Variants in PCDHGB1 observed in about 807,000 individuals in gnomAD.
The protein encoded by PCDHGB1 is protocadherin gamma subfamily B, 1.
In PCDHGB1, 34 loss-of-function variants were observed where a neutral mutation model predicts 56.6. The ratio of observed to expected loss-of-function variants is 0.60; its 90% CI spans 0.46 to 0.80. The LOEUF (loss-of-function observed/expected upper bound fraction) is 0.80, where lower values mean the gene tolerates loss of function less well. Ranked by LOEUF, PCDHGB1 falls within the 30% of genes least tolerant of loss-of-function variation. The pLI is 0.00. For missense variants in PCDHGB1, 1,278 were observed against 1,204.6 expected (o/e 1.06, Z -0.90); for synonymous variants, 561 against 505.9 (o/e 1.11, Z -1.46).
Position 141,477,771 on chromosome 5 carries a change from G to A in PCDHGB1, c.2410-17036G>A. 1 of 1,613,992 alleles carries A rather than the reference G, an allele frequency of 6.2e-7. No homozygotes were observed. The highest frequency in any genetic ancestry group is 1.3e-5 in the African/African-American group (1 of 75,054). ...ACCCCGGTCCTAGCCACCAACATCA[G>A]CGTGAACATATTTGTCACTGATCGC... On this transcript the variant is annotated intron_variant, in intron 1 of 3. Transcript: ENST00000523390. This position sits in a 1 kb window ranked among gnomAD's most constrained non-coding sequence, Gnocchi z 4.9.
rs780578882 is a variant in PCDHGB1 at position 141,486,578 on chromosome 5, C to T, written c.2410-8229C>T. On this transcript the variant is annotated intron_variant, in intron 1 of 3. Coordinates refer to ENST00000523390, the MANE Select transcript of PCDHGB1 (RefSeq NM_018922.3). This position sits in a 1 kb window ranked among gnomAD's most constrained non-coding sequence, Gnocchi z 5.0. ...TGAGGTGTTTGTTCCTGAGAACAAT[C>T]GCCCAGGGGACCTGCTTTGCTCCCT... 1.6e-5 allele frequency: 26 copies of T among 1,613,728 alleles called. No homozygotes were observed. The highest frequency in any genetic ancestry group is 2.2e-5 in the South Asian group (2 of 91,072).
At chr5:141,365,608 C>T in intron 1 of PCDHGB1, 11 of 1,613,576 alleles carry the variant, frequency 6.8e-6, no homozygotes, top group Non-Finnish European at 9.3e-6. Flanking sequence ...CCGTCATGGA[C>T]CATGGAACCC....
chr5:141,357,606 A>C, intron 1 of PCDHGB1: 2 of 1,614,052 alleles, frequency 1.2e-6, no homozygotes, highest in Non-Finnish European at 1.7e-6. Flanking sequence ...AAACAAAAGG[A>C]GACCCTAATC....
intron 1 of PCDHGB1, chr5:141,404,627 G>A: frequency 6.2e-7 from 1 of 1,614,144 alleles, no homozygotes; most frequent in Non-Finnish European, 8.5e-7. Context: ...GAATGACAAT[G>A]CCCCAGAAAT....
At chr5:141,393,528 G>A in intron 1 of PCDHGB1, 7 of 1,613,988 alleles carry the variant, frequency 4.3e-6, no homozygotes, top group East Asian at 4.5e-5. Context: ...AAATGACAAT[G>A]CCCCGGTTTT....
At chr5:141,456,204 C>A (rs867187371) in intron 1 of PCDHGB1, among the ~76,000 whole-genome samples, 17 of 152,222 alleles carry the variant, frequency 1.1e-4, no homozygotes, top group South Asian at 2.1e-4. Context: ...CTACCACATT[C>A]CTCCCTGTGG....
chr5:141,467,788 A>G (rs2099151778), intron 1 of PCDHGB1, among the ~76,000 whole-genome samples: 1 of 152,020 alleles, frequency 6.6e-6, no homozygotes. Flanking sequence ...CCTCTCAAGT[A>G]GCTGGGACTA....
At chr5:141,478,665 A>G (rs749063178) in intron 1 of PCDHGB1, 88 of 1,551,690 alleles carry the variant, frequency 5.7e-5, no homozygotes, top group Non-Finnish European at 3.7e-5. Flanking sequence ...ATGCATTCAC[A>G]CTTTCAACTG....
At chr5:141,478,117 C>T (rs1419172538) in intron 1 of PCDHGB1, 2 of 1,614,058 alleles carry the variant, frequency 1.2e-6, no homozygotes, top group East Asian at 4.5e-5. Flanking sequence ...TGTCAGTAAC[C>T]GAGGACTCTC....
chr5:141,418,626 C>A (rs1237600131), intron 1 of PCDHGB1: 2 of 1,613,902 alleles, frequency 1.2e-6, no homozygotes, highest in African/African-American at 2.7e-5. Context: ...GAAGACGTGC[C>A]TCCAGGCACC....
intron 1 of PCDHGB1, among the ~76,000 whole-genome samples, chr5:141,467,955 G>A (rs1049980375): frequency 2.0e-5 from 3 of 151,666 alleles, no homozygotes; most frequent in Non-Finnish European, 2.9e-5. Context: ...CACCACACCC[G>A]GCTGCCAGAA....
intron 1 of PCDHGB1, chr5:141,403,609 G>A (rs1434656385): frequency 6.2e-7 from 1 of 1,613,870 alleles, no homozygotes; most frequent in South Asian, 1.1e-5. Flanking sequence ...ATGGCGGCGA[G>A]CCGCGTCGCT....
intron 2 of PCDHGB1, among the ~76,000 whole-genome samples, chr5:141,498,971 G>GGGAAGGAA (rs201769957): frequency 0.022 from 2,449 of 111,032 alleles, 52 homozygotes; most frequent in African/African-American, 0.046. Flanking sequence ...GAGGGAGGGA[G>GGGAAGGAA]GGAAGGAAGG....
At chr5:141,414,241 C>T in intron 1 of PCDHGB1, 1 of 1,613,472 alleles carries the variant, frequency 6.2e-7, no homozygotes, top group Non-Finnish European at 8.5e-7. Context: ...CATCACGTCT[C>T]TATTTAGTCC....
intron 1 of PCDHGB1, chr5:141,365,125 C>A (rs373921082): frequency 1.2e-6 from 2 of 1,613,766 alleles, no homozygotes; most frequent in African/African-American, 1.3e-5. Context: ...TCATGCTAAC[C>A]GCCACGGATC....
Position 141,384,048 on chromosome 5 carries a change from C to A in PCDHGB1, c.2409+31379C>A, listed in dbSNP as rs111794989. 4,325 of 1,611,882 alleles carry A rather than the reference C, an allele frequency of 2.7e-3. 15 individuals carry two copies. Among genetic ancestry groups the A allele is most frequent in the Admixed American group, 9.3e-3 (555 of 59,694 alleles). ...ATTCTGGAAAGAATGGTGAGGTGACCTGCACCATTCCAGAAAACCTACCTT... is the reference window on the plus strand; with the variant it reads ...ATTCTGGAAAGAATGGTGAGGTGACATGCACCATTCCAGAAAACCTACCTT... On this transcript the variant is annotated intron_variant, in intron 1 of 3. Transcript: ENST00000523390.
intron 1 of PCDHGB1, among the ~76,000 whole-genome samples, chr5:141,448,931 C>G (rs966398044): frequency 1.3e-5 from 2 of 152,040 alleles, no homozygotes; most frequent in African/African-American, 4.8e-5. Context: ...GGCGACAGAG[C>G]AAGACTGCAA....
intron 1 of PCDHGB1, among the ~76,000 whole-genome samples, chr5:141,381,820 C>CTTTCTTTCTTTCT (rs1279410534): frequency 1.7e-3 from 198 of 119,790 alleles, no homozygotes; most frequent in African/African-American, 6.6e-3. Context: ...TTCTTTCTTT[C>CTTTCTTTCTTTCT]TTCTTCTTTT....
At chr5:141,395,034 G>A (rs772873954) in intron 1 of PCDHGB1, 21 of 1,614,032 alleles carry the variant, frequency 1.3e-5, no homozygotes, top group African/African-American at 5.3e-5. Context: ...CTCACATTTT[G>A]TGGGTGTTGA....
Sources: allele counts gnomAD v4.1 joint callset (sites outside exome capture counted in the v4.1 genomes callset), GRCh38; gene constraint gnomAD v4.1.1; non-coding constraint Gnocchi (gnomAD v3.1); transcripts MANE v1.5; gene names NCBI Gene and HGNC (gene_info 2026-07-23, HGNC 2026-07-21).